Variants in HAT1 observed in about 807,000 individuals in gnomAD.
HAT1 encodes the protein histone acetyltransferase type B catalytic subunit.
HAT1 carries 20 observed loss-of-function variants against 56.6 expected under a neutral mutation model. The observed-to-expected ratio is 0.35, with a 90% CI of 0.25 to 0.51. The LOEUF (loss-of-function observed/expected upper bound fraction) is 0.51. HAT1 is among the 20% of genes least tolerant of loss of function. The probability of loss-of-function intolerance (pLI) is 0.95; values close to 1 mark genes in which losing one functional copy is unlikely to be tolerated. For missense variants in HAT1, 408 were observed against 504.3 expected, an observed-to-expected ratio of 0.81 and a Z score of 1.83; for synonymous variants, 146 against 165.5, an observed-to-expected ratio of 0.88 and a Z score of 0.91.
intron 8 of HAT1, among the ~76,000 whole-genome samples, chr2:171,968,370 A>C (rs1017694932): frequency 2.0e-5 from 3 of 152,142 alleles, no homozygotes; most frequent in Non-Finnish European, 2.9e-5. Context: ...TTTAATGTGG[A>C]GTTCACATAA....
intron 4 of HAT1, among the ~76,000 whole-genome samples, chr2:171,958,809 G>A (rs1172639733): frequency 6.6e-6 from 1 of 152,166 alleles, no homozygotes; most frequent in Non-Finnish European, 1.5e-5. Flanking sequence ...ATTAACTTCT[G>A]ACTTTACCTC....
intron 10 of HAT1, 23 bp downstream of exon 10, chr2:171,979,386 A>G: frequency 9.3e-7 from 1 of 1,079,156 alleles, no homozygotes; most frequent in Non-Finnish European, 1.4e-6. Context: ...AGAATCTTAA[A>G]CACTGTATTC....
intron 4 of HAT1, among the ~76,000 whole-genome samples, chr2:171,955,638 A>AAATG (rs1379960300): frequency 5.9e-5 from 9 of 151,828 alleles, no homozygotes; most frequent in Admixed American, 5.2e-4. Flanking sequence ...ATAAATAAAT[A>AAATG]AAGGAAATAA....
chr2:171,939,494 G>A (rs909180717), intron 2 of HAT1, among the ~76,000 whole-genome samples: 1 of 152,196 alleles, frequency 6.6e-6, no homozygotes, highest in South Asian at 2.1e-4. Flanking sequence ...GCTGCCCGTG[G>A]TGACTGTTTT....
chr2:171,956,021 G>C (rs1016270353), intron 4 of HAT1, among the ~76,000 whole-genome samples: 2 of 151,416 alleles, frequency 1.3e-5, no homozygotes, highest in Non-Finnish European at 2.9e-5. Flanking sequence ...CTCCAGCCTG[G>C]GCAACAGAGC....
rs146087997 is a variant in HAT1, at chr2:171,979,090, C to G, written c.976-157C>G. ...ATACCATAATCATTTGTGTTACCCA[C>G]TAGACTGCTTGAGGGCAACTACTTT... On this transcript the variant is annotated intron_variant, in intron 9 of 10. Transcript: ENST00000264108. Among the ~76,000 whole-genome samples, 3,370 of 152,280 alleles carry G rather than the reference C, an allele frequency of 0.022. 57 individuals are homozygous for G. The highest frequency in any genetic ancestry group is 0.038 in the Middle Eastern group (11 of 292).
intron 8 of HAT1, among the ~76,000 whole-genome samples, chr2:171,975,564 T>C (rs1687940241): frequency 6.6e-6 from 1 of 152,236 alleles, no homozygotes; most frequent in Non-Finnish European, 1.5e-5. Context: ...TCAGTTCACA[T>C]AGTCATTTAC....
intron 9 of HAT1, among the ~76,000 whole-genome samples, chr2:171,979,042 G>A (rs1688061407): frequency 6.6e-6 from 1 of 151,980 alleles, no homozygotes; most frequent in South Asian, 2.1e-4. Context: ...AGTGAACTAT[G>A]ATCGTGCCAC....
chr2:171,930,063 A>G (rs1686701180), intron 2 of HAT1, among the ~76,000 whole-genome samples: 1 of 152,152 alleles, frequency 6.6e-6, no homozygotes, highest in African/African-American at 2.4e-5. Context: ...GTATTTCTGT[A>G]TTCTAGAAAT....
chr2:171,939,320 G>A (rs1343303112), intron 2 of HAT1, among the ~76,000 whole-genome samples: 1 of 152,170 alleles, frequency 6.6e-6, no homozygotes, highest in Admixed American at 6.5e-5. Flanking sequence ...GTGTTCGCTC[G>A]TCACCCTAAT....
chr2:171,923,597 T>C (rs1686501518), intron 1 of HAT1: 1 of 152,212 alleles, frequency 6.6e-6, no homozygotes, highest in Admixed American at 6.5e-5. Flanking sequence ...ATCATCTCTT[T>C]ACAGGGCATT....
At position 171,955,349 on chromosome 2, in the gene HAT1, T is replaced by C. The variant is rs1349181497; in HGVS notation, c.309+2348T>C. ...AATATGGGCTGGGCGCAGTGGCTCA[T>C]GCCTGTAATCCCAGCAATTTAGAAG... On this transcript the variant is annotated intron_variant, in intron 4 of 10. Coordinates refer to ENST00000264108, the MANE Select transcript of HAT1 (RefSeq NM_003642.4). Among the ~76,000 whole-genome samples, 4 of 152,168 alleles carry C rather than the reference T, an allele frequency of 2.6e-5. No homozygotes were observed. In the East Asian group the frequency reaches 7.7e-4, roughly 29 times the overall value.
At chr2:171,929,528 A>T (rs1686685021) in intron 2 of HAT1, among the ~76,000 whole-genome samples, 1 of 152,104 alleles carries the variant, frequency 6.6e-6, no homozygotes. Context: ...GTTCATGCCT[A>T]ATATCTTTGT....
At chr2:171,943,149 C>T (rs1309793943) in intron 2 of HAT1, among the ~76,000 whole-genome samples, 1 of 151,460 alleles carries the variant, frequency 6.6e-6, no homozygotes, top group Non-Finnish European at 1.5e-5. Flanking sequence ...TGCCTGTAAT[C>T]CCAACACTTT....
At chr2:171,925,753 T>C in intron 2 of HAT1, 112 bp downstream of exon 2, 1 of 578,956 alleles carries the variant, frequency 1.7e-6, no homozygotes, top group Non-Finnish European at 3.1e-6. Flanking sequence ...TATGCAAATG[T>C]ATGGTTTTCT....
intron 2 of HAT1, 40 bp from the exon 3 acceptor site, chr2:171,946,668 G>A (rs1558968842): frequency 4.3e-6 from 5 of 1,150,048 alleles, no homozygotes; most frequent in South Asian, 2.6e-5. Context: ...AATATCTTTA[G>A]TTATCTTTAA....
chr2:171,951,605 G>A (rs897797083), intron 3 of HAT1, among the ~76,000 whole-genome samples: 85 of 77,126 alleles, frequency 1.1e-3, no homozygotes, highest in African/African-American at 3.3e-3. Context: ...TTTTTTTTTT[G>A]TAGTTTTAGT....
intron 7 of HAT1, 72 bp from the exon 8 acceptor site, chr2:171,966,771 C>G (rs984939146): frequency 2.7e-6 from 2 of 733,618 alleles, no homozygotes; most frequent in African/African-American, 3.6e-5. Flanking sequence ...GTTTGTAATA[C>G]TATAGTGATC....
chr2:171,937,135 T>C lies in HAT1; in HGVS notation c.113-9573T>C, dbSNP rs149764875. Reference sequence around the variant, plus strand: ...ACGCCCAGTGAATTTTTGTATTTTTTGTAGAGATGGGGTTTTGCCGTGTTG... The same window carrying C: ...ACGCCCAGTGAATTTTTGTATTTTTCGTAGAGATGGGGTTTTGCCGTGTTG... On this transcript the variant is annotated intron_variant, in intron 2 of 10. Transcript: ENST00000264108. 5.0e-3 allele frequency among the ~76,000 whole-genome samples: 759 copies of C among 151,782 alleles called. 8 individuals are homozygous for C. Among genetic ancestry groups the C allele is most frequent in the African/African-American group, 0.017 (719 of 41,508 alleles).
Sources: allele counts gnomAD v4.1 joint callset (sites outside exome capture counted in the v4.1 genomes callset), GRCh38; gene constraint gnomAD v4.1.1; transcripts MANE v1.5; gene names NCBI Gene and HGNC (gene_info 2026-07-23, HGNC 2026-07-21).